Variants in HDAC9 observed in about 807,000 individuals in gnomAD.
HDAC9 encodes the protein MEF-2 interacting transcription repressor (MITR) protein.
Under a neutral mutation model 139.4 loss-of-function variants are expected in HDAC9, and 41 were observed. That is an observed-to-expected ratio of 0.29 (90% CI 0.23 to 0.38). The LOEUF (loss-of-function observed/expected upper bound fraction) is 0.38, where lower values mean the gene tolerates loss of function less well. Ranked by LOEUF, HDAC9 falls within the 10% of genes least tolerant of loss-of-function variation. HDAC9 has a pLI of 1.00. For missense variants in HDAC9, 1,147 were observed against 1,297.0 expected, an observed-to-expected ratio of 0.88 and a Z score of 1.78; for synonymous variants, 517 against 476.2, an observed-to-expected ratio of 1.09 and a Z score of -1.12.
intron 2 of HDAC9, among the ~76,000 whole-genome samples, chr7:18,539,716 A>G (rs907880273): frequency 6.6e-6 from 1 of 152,086 alleles, no homozygotes; most frequent in African/African-American, 2.4e-5. Context: ...AAGGAAAAAC[A>G]TTTGGTAGGT....
chr7:18,814,893 T>A (rs1305202583), intron 17 of HDAC9, among the ~76,000 whole-genome samples: 1 of 152,184 alleles, frequency 6.6e-6, no homozygotes, highest in South Asian at 2.1e-4. Flanking sequence ...ACAATGTACA[T>A]TGCAATTAGT....
rs1008768258 is a variant in HDAC9 at position 18,993,810 on chromosome 7, CATAA to C, written c.3171-2206_3171-2203del. ...AGAGTGAGACCCTGTCTCAAAAATA[CATAA>C]ATAAATGAAAGAGCGAGAGAGAGAA... On this transcript the variant is annotated intron_variant, in intron 25 of 25. Coordinates refer to ENST00000686413, the MANE Select transcript of HDAC9 (RefSeq NM_178425.4). Among the ~76,000 whole-genome samples the C allele has an allele frequency of 3.3e-5, 5 of 151,954 alleles. No homozygotes were observed. In the South Asian group the frequency reaches 8.3e-4, roughly 25 times the overall value.
intron 1 of HDAC9, among the ~76,000 whole-genome samples, chr7:18,363,184 C>T (rs570326792): frequency 6.6e-6 from 1 of 152,188 alleles, no homozygotes; most frequent in East Asian, 1.9e-4. Flanking sequence ...TTTCCTAAAG[C>T]CTTTAATCCA....
At chr7:18,265,492 T>G (rs1795936491) in intron 2 of HDAC9, among the ~76,000 whole-genome samples, 1 of 152,192 alleles carries the variant, frequency 6.6e-6, no homozygotes, top group Non-Finnish European at 1.5e-5. Flanking sequence ...AAATTAGAGT[T>G]GGGGTTACAA....
chr7:18,623,258 A>T (rs1453991966), intron 6 of HDAC9, among the ~76,000 whole-genome samples: 1 of 152,206 alleles, frequency 6.6e-6, no homozygotes, highest in Non-Finnish European at 1.5e-5. Context: ...ATTTATAAGC[A>T]GGCAAATTAG....
intron 1 of HDAC9, among the ~76,000 whole-genome samples, chr7:18,417,204 C>G (rs925407654): frequency 1.3e-5 from 2 of 152,128 alleles, no homozygotes; most frequent in Admixed American, 1.3e-4. Flanking sequence ...TGCATTGTCT[C>G]CTCTGCCGTT....
intron 12 of HDAC9, chr7:18,667,428 G>T: frequency 1.0e-6 from 1 of 983,928 alleles, no homozygotes; most frequent in Non-Finnish European, 1.2e-6. Context: ...AATGACATGG[G>T]CATATACCGT....
chr7:18,569,174 G>A (rs1823448167), intron 2 of HDAC9, among the ~76,000 whole-genome samples: 1 of 152,162 alleles, frequency 6.6e-6, no homozygotes, highest in African/African-American at 2.4e-5. Context: ...CTATCTCTGT[G>A]GCATTCAATT....
intron 6 of HDAC9, among the ~76,000 whole-genome samples, chr7:18,605,218 A>T (rs543966407): frequency 6.6e-6 from 1 of 152,246 alleles, no homozygotes; most frequent in African/African-American, 2.4e-5. Context: ...ATTCACTGTT[A>T]TAATACAGAA....
At chr7:18,270,574 T>C (rs1796290950) in intron 2 of HDAC9, among the ~76,000 whole-genome samples, 1 of 152,176 alleles carries the variant, frequency 6.6e-6, no homozygotes, top group Admixed American at 6.6e-5. Context: ...AACGTTATTT[T>C]TTCTGTAAAA....
intron 22 of HDAC9, among the ~76,000 whole-genome samples, chr7:18,909,657 T>A (rs1802571275): frequency 1.3e-5 from 2 of 151,914 alleles, no homozygotes; most frequent in Admixed American, 1.3e-4. Flanking sequence ...AAATTTTAGA[T>A]TCATTACATA....
At chr7:18,812,173 A>T (rs928869950) in intron 17 of HDAC9, among the ~76,000 whole-genome samples, 2 of 151,884 alleles carry the variant, frequency 1.3e-5, no homozygotes, top group Admixed American at 1.3e-4. Context: ...TAATCCACAG[A>T]TACAGAACCC....
chr7:18,647,843 T>G lies in HDAC9; in HGVS notation c.1094T>G (p.Val365Gly), dbSNP rs1168686447. The G allele has an allele frequency of 6.2e-7, 1 of 1,612,594 alleles. No individual in the cohort carries two copies. Among genetic ancestry groups the G allele is most frequent in the Non-Finnish European group, 8.5e-7 (1 of 1,179,284 alleles). Residue 365 changes from valine to glycine, a missense_variant, in exon 10 of 26, where the codon GTT (valine) becomes GGT (glycine). Coordinates refer to ENST00000686413, the MANE Select transcript of HDAC9 (RefSeq NM_178425.4). The stretch of plus-strand genomic sequence containing the variant: ...GAGACGCAGACGCTTAGGCAAGGTG[T>G]TCCTCTGCCTGGGCAGTATGGAGGC... ...KCETQTLRQG[V>G]PLPGQYGGSI...
chr7:18,930,457 A>T (rs1487742843), intron 22 of HDAC9, among the ~76,000 whole-genome samples: 1 of 151,892 alleles, frequency 6.6e-6, no homozygotes, highest in Non-Finnish European at 1.5e-5. Context: ...TAACACACAC[A>T]TACACACAAA....
At chr7:18,600,999 T>C (rs1259602169) in intron 6 of HDAC9, among the ~76,000 whole-genome samples, 2 of 152,176 alleles carry the variant, frequency 1.3e-5, no homozygotes, top group African/African-American at 4.8e-5. Context: ...AGATGGAGTT[T>C]TGCTATGTTG....
chr7:18,122,980 A>G (rs997213165), intron 1 of HDAC9, among the ~76,000 whole-genome samples: 3 of 152,172 alleles, frequency 2.0e-5, no homozygotes, highest in African/African-American at 7.2e-5. Flanking sequence ...AATAATTCAT[A>G]TACTTATTCA....
chr7:18,946,145 A>C (rs896560386), intron 23 of HDAC9, among the ~76,000 whole-genome samples: 20 of 146,786 alleles, frequency 1.4e-4, no homozygotes, highest in South Asian at 2.2e-4. Flanking sequence ...ATTCTATTTC[A>C]CAGGTTTCTC....
At chr7:18,961,150 G>T (rs1014770095) in intron 24 of HDAC9, among the ~76,000 whole-genome samples, 1 of 152,052 alleles carries the variant, frequency 6.6e-6, no homozygotes, top group South Asian at 2.1e-4. Context: ...GAGATCCAGG[G>T]GAGAAGGACA....
chr7:18,621,302 T>C (rs1258763357), intron 6 of HDAC9, among the ~76,000 whole-genome samples: 3 of 151,798 alleles, frequency 2.0e-5, no homozygotes, highest in Non-Finnish European at 4.4e-5. Flanking sequence ...AAAGGGAACA[T>C]TTTAGAGTAT....
Sources: allele counts gnomAD v4.1 joint callset (sites outside exome capture counted in the v4.1 genomes callset), GRCh38; gene constraint gnomAD v4.1.1; transcripts MANE v1.5; gene names NCBI Gene and HGNC (gene_info 2026-07-23, HGNC 2026-07-21).